STRBP: variants seen among roughly 807,000 people sequenced by gnomAD.
The protein encoded by STRBP is spermatid perinuclear RNA-binding protein.
In STRBP, 13 loss-of-function variants were observed where a neutral mutation model predicts 80.1. That is an observed-to-expected ratio of 0.16 (90% CI 0.11 to 0.26). The LOEUF is 0.26. Among genes scored for constraint, STRBP ranks in the 10% least tolerant of loss-of-function variants. STRBP has a pLI of 1.00. For missense variants in STRBP, 485 were observed against 815.2 expected (o/e 0.59, Z 4.93); for synonymous variants, 284 against 291.2 (o/e 0.98, Z 0.25).
chr9:123,184,046 T>G, intron 3 of STRBP, 86 bp downstream of exon 3: 1 of 1,368,922 alleles, frequency 7.3e-7, no homozygotes, highest in Non-Finnish European at 1.0e-6. Flanking sequence ...CCACTGTTTT[T>G]CATTTGCCCT....
intron 1 of STRBP, among the ~76,000 whole-genome samples, chr9:123,258,569 C>T (rs1196189510): frequency 1.3e-5 from 2 of 152,012 alleles, no homozygotes; most frequent in Non-Finnish European, 2.9e-5. Context: ...TTTGGGAGGC[C>T]AAGGCGGGCG....
At chr9:123,204,417 G>A (rs1008903025) in intron 2 of STRBP, among the ~76,000 whole-genome samples, 1 of 152,146 alleles carries the variant, frequency 6.6e-6, no homozygotes, top group African/African-American at 2.4e-5. Flanking sequence ...TTCACACAGT[G>A]ATCTTTAAAA....
intron 2 of STRBP, among the ~76,000 whole-genome samples, chr9:123,226,754 G>T (rs1051515652): frequency 1.3e-5 from 2 of 150,432 alleles, no homozygotes; most frequent in African/African-American, 4.9e-5. Flanking sequence ...GCTTAGCGGT[G>T]TTGGGGAGTG....
chr9:123,223,241 G>A (rs2040129168), intron 2 of STRBP, among the ~76,000 whole-genome samples: 1 of 152,096 alleles, frequency 6.6e-6, no homozygotes, highest in Non-Finnish European at 1.5e-5. Flanking sequence ...AAGTGGAAAC[G>A]GGATTTTTAA....
intron 3 of STRBP, among the ~76,000 whole-genome samples, chr9:123,179,733 A>C (rs1465251333): frequency 1.3e-5 from 2 of 151,966 alleles, no homozygotes; most frequent in Middle Eastern, 3.2e-3. Flanking sequence ...AACAGAGTGA[A>C]CTCTGTCTCT....
intron 2 of STRBP, among the ~76,000 whole-genome samples, chr9:123,198,800 C>G (rs2039202182): frequency 6.6e-6 from 1 of 152,190 alleles, no homozygotes; most frequent in South Asian, 2.1e-4. Flanking sequence ...CATTCATCTA[C>G]TACATGTAGC....
intron 2 of STRBP, among the ~76,000 whole-genome samples, chr9:123,205,929 A>G (rs956180590): frequency 6.6e-5 from 10 of 152,224 alleles, no homozygotes. Context: ...TACTACTGAT[A>G]TTTATGAAAA....
rs2037380060 is a variant in STRBP, at chr9:123,158,384, G to A, written c.881C>T (p.Ala294Val). ...TTGCTGGATGGTCATATAGCTCAGA[G>A]CATCTGTTGGGTCTCGCTCACAAGG... ...HDPCERDPTD[A>V]LSYMTIQQKE... The change falls in exon 10 of 19, where the codon GCT becomes GTT. Residue 294 changes from alanine (A) to valine (V), a missense_variant. Ala to Val is a moderately conservative substitution (Grantham distance 64, BLOSUM62 0). Coordinates refer to ENST00000348403, the MANE Select transcript of STRBP (RefSeq NM_018387.5). The A allele has an allele frequency of 1.2e-6, 2 of 1,613,618 alleles. No individual in the cohort carries two copies. Among genetic ancestry groups the A allele is most frequent in the South Asian group, 1.1e-5 (1 of 91,044 alleles).
downstream of STRBP, chr9:123,121,616 G>GTTTTT (rs55974272): frequency 1.5e-5 from 2 of 132,572 alleles, no homozygotes; most frequent in East Asian, 2.2e-4. Flanking sequence ...TTTTGTTTTT[G>GTTTTT]TTTTTTTTTT....
intron 2 of STRBP, among the ~76,000 whole-genome samples, chr9:123,203,293 C>G (rs2132514017): frequency 6.6e-6 from 1 of 151,740 alleles, no homozygotes; most frequent in African/African-American, 2.4e-5. Flanking sequence ...CTGCCGTGAG[C>G]TATGATCACT....
chr9:123,266,464 A>C (rs1035179218), intron 1 of STRBP, among the ~76,000 whole-genome samples: 12 of 151,158 alleles, frequency 7.9e-5, no homozygotes, highest in Non-Finnish European at 1.8e-4. Flanking sequence ...AGTTTCTCTC[A>C]GTATGGAATT....
At chr9:123,147,677 CAAAAAA>C (rs551381831) in intron 12 of STRBP, 95 bp downstream of exon 12, 68 of 368,916 alleles carry the variant, frequency 1.8e-4, no homozygotes, top group Non-Finnish European at 2.1e-4. Flanking sequence ...GAACCGATCT[CAAAAAA>C]AAAAAAAAAA....
At position 123,115,659 on chromosome 9, in the gene STRBP, A is replaced by T. The variant is rs898397667; in HGVS notation, c.*84+270T>A. On this transcript the variant is annotated intron_variant and NMD_transcript_variant, in intron 3 of 3. Coordinates refer to the STRBP transcript ENST00000471564. The surrounding 1 kb of genome is among the most constrained non-coding windows in gnomAD (Gnocchi z 5.0). ...AATAAATCTACGTGCCCAAGAAGGG[A>T]GACATGGTCTTGGCAGCATCACCAG... 1 of 336,380 alleles carries T rather than the reference A, an allele frequency of 3.0e-6. No homozygotes were observed. The highest frequency in any genetic ancestry group is 5.9e-6 in the Non-Finnish European group (1 of 170,840). 20.8% of individuals were successfully genotyped at this position (336,380 alleles called of 1,614,324 possible).
At chr9:123,260,227 G>T (rs2041131879) in intron 1 of STRBP, among the ~76,000 whole-genome samples, 1 of 152,168 alleles carries the variant, frequency 6.6e-6, no homozygotes, top group African/African-American at 2.4e-5. Flanking sequence ...GCTGTTAATA[G>T]AATTTCACTA....
downstream of STRBP, among the ~76,000 whole-genome samples, chr9:123,119,763 G>A (rs964627196): frequency 1.4e-4 from 21 of 152,152 alleles, 2 homozygotes. Context: ...ACCAGGTACT[G>A]TTCAAAACAT....
chr9:123,194,697 G>A (rs1210661016), intron 2 of STRBP, among the ~76,000 whole-genome samples: 1 of 151,960 alleles, frequency 6.6e-6, no homozygotes, highest in Non-Finnish European at 1.5e-5. Flanking sequence ...AGGTCCCCTA[G>A]GATTTCCATG....
At chr9:123,200,808 C>T (rs555368364) in intron 2 of STRBP, among the ~76,000 whole-genome samples, 1 of 122,962 alleles carries the variant, frequency 8.1e-6, no homozygotes, top group Non-Finnish European at 1.6e-5. Flanking sequence ...GTCTCGATGT[C>T]CTGACCTCAT....
At chr9:123,257,957 T>C (rs985353039) in intron 1 of STRBP, among the ~76,000 whole-genome samples, 27 of 152,048 alleles carry the variant, frequency 1.8e-4, no homozygotes, top group African/African-American at 6.3e-4. Context: ...GCAACCAGCA[T>C]AGTGCTTAAT....
chr9:123,261,638 A>T (rs2041163502), intron 1 of STRBP, among the ~76,000 whole-genome samples: 2 of 152,340 alleles, frequency 1.3e-5, no homozygotes, highest in African/African-American at 4.8e-5. Context: ...AAGATACCGT[A>T]TTTTTAAAAG....
Sources: gnomAD v4.1 joint callset for allele counts (sites outside exome capture counted in the v4.1 genomes callset) on GRCh38, gnomAD v4.1.1 for gene constraint, Gnocchi (gnomAD v3.1) non-coding constraint, MANE v1.5 for transcripts, NCBI Gene and HGNC (gene_info 2026-07-23, HGNC 2026-07-21) for gene names.